Variants in SPAG16 observed in about 807,000 individuals in gnomAD.
SPAG16 encodes sperm-associated antigen 16 protein.
A neutral mutation model predicts 80.4 loss-of-function variants in SPAG16; 86 were observed. The ratio of observed to expected loss-of-function variants is 1.07; its 90% CI spans 0.90 to 1.28. SPAG16 has a LOEUF of 1.28. SPAG16 is among the 50% of genes most tolerant of loss of function. The pLI, the probability that SPAG16 is intolerant of heterozygous loss-of-function variation, is 0.00. For missense variants in SPAG16, 870 were observed against 765.3 expected (o/e 1.14, Z -1.61); for synonymous variants, 294 against 265.9 (o/e 1.11, Z -1.03).
chr2:214,145,599 A>G (rs1431274983), intron 14 of SPAG16, among the ~76,000 whole-genome samples: 1 of 151,978 alleles, frequency 6.6e-6, no homozygotes, highest in African/African-American at 2.4e-5. Context: ...TGGTTTTCTC[A>G]TTATAGGATC....
At chr2:213,763,295 AT>A in intron 10 of SPAG16, among the ~76,000 whole-genome samples, 1 of 152,216 alleles carries the variant, frequency 6.6e-6, no homozygotes, top group Non-Finnish European at 1.5e-5. Context: ...AGCACTAAGA[AT>A]TGAAATTAGG....
intron 13 of SPAG16, among the ~76,000 whole-genome samples, chr2:214,070,701 CTATAT>C (rs2050747719): frequency 6.6e-6 from 1 of 151,898 alleles, no homozygotes; most frequent in African/African-American, 2.4e-5. Flanking sequence ...GTAATTAAGT[CTATAT>C]TATATCAGTA....
intron 9 of SPAG16, among the ~76,000 whole-genome samples, chr2:213,388,495 T>C (rs1270286642): frequency 6.6e-6 from 1 of 152,034 alleles, no homozygotes; most frequent in Non-Finnish European, 1.5e-5. Context: ...TGGGGATAGG[T>C]GGAGGCTCAG....
Position 213,833,521 on chromosome 2 carries a change from AATAT to A in SPAG16, c.1071-28957_1071-28954del, listed in dbSNP as rs35418877. On this transcript the variant is annotated intron_variant, in intron 10 of 15. Transcript: ENST00000331683. ...TATATATATTATATATAATATATATAATATATATATTATATATAATATATATAAT... is the reference window on the plus strand; with the variant it reads ...TATATATATTATATATAATATATATAATATATTATATATAATATATATAAT... Among the ~76,000 whole-genome samples the A allele has an allele frequency of 1.1e-3, 2 of 1,862 alleles. 1 individual carries two copies. The highest frequency in any genetic ancestry group is 2.4e-3 in the African/African-American group (2 of 824). 1.2% of individuals were successfully genotyped at this position (1,862 alleles called of 152,430 possible).
At chr2:213,812,120 G>A (rs1470453362) in intron 10 of SPAG16, among the ~76,000 whole-genome samples, 1 of 152,160 alleles carries the variant, frequency 6.6e-6, no homozygotes, top group East Asian at 1.9e-4. Flanking sequence ...AACCTGATAA[G>A]TGAACTCTGG....
intron 1 of SPAG16, among the ~76,000 whole-genome samples, chr2:213,291,347 G>C (rs1480605082): frequency 2.0e-5 from 3 of 152,210 alleles, no homozygotes; most frequent in African/African-American, 7.2e-5. Context: ...AAACATAAGT[G>C]TCAAAGTACA....
intron 10 of SPAG16, among the ~76,000 whole-genome samples, chr2:213,575,455 T>G (rs1197791261): frequency 6.6e-6 from 1 of 152,130 alleles, no homozygotes; most frequent in Non-Finnish European, 1.5e-5. Context: ...TTGAGATCTA[T>G]TGTCTTATCC....
intron 12 of SPAG16, among the ~76,000 whole-genome samples, chr2:213,930,436 A>G (rs867112575): frequency 1.3e-5 from 2 of 152,192 alleles, no homozygotes; most frequent in African/African-American, 2.4e-5. Context: ...AGCAGGATAG[A>G]AACAAATACT....
chr2:214,373,025 C>T (rs1346770499), intron 15 of SPAG16, among the ~76,000 whole-genome samples: 1 of 152,034 alleles, frequency 6.6e-6, no homozygotes, highest in East Asian at 1.9e-4. Flanking sequence ...TTAGGTAGCT[C>T]CAAGTCTCTG....
chr2:214,353,829 C>T (rs892300760), intron 15 of SPAG16, among the ~76,000 whole-genome samples: 8 of 152,082 alleles, frequency 5.3e-5, no homozygotes, highest in African/African-American at 1.9e-4. Flanking sequence ...TAATTTCCAA[C>T]CTGCTTCTAT....
intron 12 of SPAG16, among the ~76,000 whole-genome samples, chr2:213,950,650 TTCCCTCCC>T (rs1034704117): frequency 1.3e-5 from 2 of 150,194 alleles, no homozygotes; most frequent in East Asian, 2.0e-4. Context: ...CCCTCTCTCC[TTCCCTCCC>T]TCCCTCCCTC....
At chr2:213,316,253 C>T (rs756271053) in intron 4 of SPAG16, among the ~76,000 whole-genome samples, 3 of 151,994 alleles carry the variant, frequency 2.0e-5, no homozygotes, top group South Asian at 2.1e-4. Flanking sequence ...ACCCTGGAGT[C>T]GCACTTGCCT....
chr2:213,355,905 T>C (rs1190384966), intron 7 of SPAG16, among the ~76,000 whole-genome samples: 2 of 152,182 alleles, frequency 1.3e-5, no homozygotes, highest in Non-Finnish European at 2.9e-5. Flanking sequence ...CTTCCAACTA[T>C]GTTGAATTGG....
chr2:213,554,195 A>G (rs2059352202), intron 10 of SPAG16, among the ~76,000 whole-genome samples: 2 of 152,152 alleles, frequency 1.3e-5, no homozygotes, highest in Non-Finnish European at 2.9e-5. Context: ...AAAGACTCTA[A>G]CAACACTTGC....
intron 15 of SPAG16, among the ~76,000 whole-genome samples, chr2:214,294,892 A>G (rs1215447377): frequency 1.3e-5 from 2 of 152,240 alleles, no homozygotes; most frequent in Non-Finnish European, 2.9e-5. Context: ...TTTAGTATGT[A>G]GCCAACATTA....
intron 10 of SPAG16, among the ~76,000 whole-genome samples, chr2:213,836,764 C>T (rs949378598): frequency 6.6e-6 from 1 of 152,032 alleles, no homozygotes; most frequent in Non-Finnish European, 1.5e-5. Flanking sequence ...CAGGCATGTA[C>T]CAATACACCT....
At chr2:213,616,369 A>C (rs1483369530) in intron 10 of SPAG16, among the ~76,000 whole-genome samples, 1 of 152,216 alleles carries the variant, frequency 6.6e-6, no homozygotes, top group Admixed American at 6.5e-5. Flanking sequence ...TTCCCTAAGG[A>C]GTCTGCTACT....
intron 15 of SPAG16, among the ~76,000 whole-genome samples, chr2:214,167,062 G>A (rs1267961123): frequency 6.6e-6 from 1 of 152,170 alleles, no homozygotes; most frequent in Admixed American, 6.6e-5. Flanking sequence ...GTGAAAGTTA[G>A]CATTTATACC....
chr2:214,006,533 G>A (rs1050887573), intron 12 of SPAG16, among the ~76,000 whole-genome samples: 1 of 152,076 alleles, frequency 6.6e-6, no homozygotes, highest in African/African-American at 2.4e-5. Context: ...GGAAAACCAA[G>A]ACGTAAGTTA....
Sources: allele counts gnomAD v4.1 joint callset (sites outside exome capture counted in the v4.1 genomes callset), GRCh38; gene constraint gnomAD v4.1.1; transcripts MANE v1.5; gene names NCBI Gene and HGNC (gene_info 2026-07-23, HGNC 2026-07-21).